SRBD1: variants seen among roughly 807,000 people sequenced by gnomAD.
The protein encoded by SRBD1 is S1 RNA-binding domain-containing protein 1.
Under a neutral mutation model 115.3 loss-of-function variants are expected in SRBD1, and 88 were observed. The ratio of observed to expected loss-of-function variants is 0.76; its 90% CI spans 0.64 to 0.91. The LOEUF (loss-of-function observed/expected upper bound fraction) is 0.91. Among genes scored for constraint, SRBD1 ranks in the 40% least tolerant of loss-of-function variants. The pLI is 0.00. For missense variants in SRBD1, 1,385 were observed against 1,177.4 expected (o/e 1.18, Z -2.58); for synonymous variants, 509 against 407.7 (o/e 1.25, Z -2.99).
Position 45,484,703 on chromosome 2 carries a change from A to G in SRBD1, c.1966+3537T>C, listed in dbSNP as rs185796756. On this transcript the variant is annotated intron_variant, in intron 15 of 20. Coordinates refer to ENST00000263736, the MANE Select transcript of SRBD1 (RefSeq NM_018079.5). ...TATCAAGTTCCAAAACATTTTCATTATGCCAAAAGAAAAACCTGTACCCAT... is the reference window on the plus strand; with the variant it reads ...TATCAAGTTCCAAAACATTTTCATTGTGCCAAAAGAAAAACCTGTACCCAT... Among the ~76,000 whole-genome samples, 98 of 152,312 alleles carry G rather than the reference A, an allele frequency of 6.4e-4. No homozygotes were observed. The Middle Eastern group carries it at 0.017, about 26-fold the overall frequency.
chr2:45,432,109 A>C (rs1433721952), intron 16 of SRBD1, among the ~76,000 whole-genome samples: 1 of 151,830 alleles, frequency 6.6e-6, no homozygotes, highest in Non-Finnish European at 1.5e-5. Context: ...GGCTCACAAC[A>C]ACCTCCGCCT....
intron 10 of SRBD1, 94 bp downstream of exon 10, chr2:45,562,558 CG>C: frequency 1.0e-6 from 1 of 974,854 alleles, no homozygotes; most frequent in East Asian, 3.0e-5. Flanking sequence ...AAAATGTTCA[CG>C]TAATAGACAT....
chr2:45,535,319 A>G (rs954247475), intron 14 of SRBD1, among the ~76,000 whole-genome samples: 5 of 152,012 alleles, frequency 3.3e-5, no homozygotes, highest in African/African-American at 9.7e-5. Context: ...TAATTTTCCT[A>G]ACAGAAAATG....
intron 4 of SRBD1, among the ~76,000 whole-genome samples, chr2:45,589,531 C>A (rs552266171): frequency 6.6e-6 from 1 of 152,270 alleles, no homozygotes; most frequent in South Asian, 2.1e-4. Flanking sequence ...TTAGAGCAAT[C>A]CATGGGCTCC....
chr2:45,496,288 T>C (rs774964966), intron 14 of SRBD1, among the ~76,000 whole-genome samples: 6 of 152,152 alleles, frequency 3.9e-5, no homozygotes, highest in Non-Finnish European at 7.4e-5. Context: ...ATATTGCAAA[T>C]TATTCTACTC....
intron 16 of SRBD1, among the ~76,000 whole-genome samples, chr2:45,446,914 A>C (rs1256436709): frequency 6.6e-6 from 1 of 152,170 alleles, no homozygotes; most frequent in Admixed American, 6.5e-5. Flanking sequence ...TTCAAGCAGG[A>C]GGGCAAAATA....
At chr2:45,399,457 T>G (rs1249011152) in intron 19 of SRBD1, among the ~76,000 whole-genome samples, 1 of 152,140 alleles carries the variant, frequency 6.6e-6, no homozygotes, top group African/African-American at 2.4e-5. Context: ...GTACAGATTA[T>G]TTCATTTAAT....
chr2:45,525,627 C>T (rs1054575240), intron 14 of SRBD1, among the ~76,000 whole-genome samples: 8 of 151,872 alleles, frequency 5.3e-5, no homozygotes, highest in East Asian at 1.9e-4. Flanking sequence ...TGCAGATAGA[C>T]GTTAATTAGC....
At chr2:45,519,700 G>C (rs1671223537) in intron 14 of SRBD1, among the ~76,000 whole-genome samples, 1 of 151,952 alleles carries the variant, frequency 6.6e-6, no homozygotes, top group African/African-American at 2.4e-5. Flanking sequence ...AAAAATTTTT[G>C]TTTATTTTTC....
At chr2:45,586,076 C>T (rs1673512787) in intron 4 of SRBD1, among the ~76,000 whole-genome samples, 1 of 152,004 alleles carries the variant, frequency 6.6e-6, no homozygotes, top group Non-Finnish European at 1.5e-5. Flanking sequence ...ATATTGGTAG[C>T]AAAGCAAGGA....
chr2:45,508,931 A>AG (rs1670877150), intron 14 of SRBD1, among the ~76,000 whole-genome samples: 1 of 152,198 alleles, frequency 6.6e-6, no homozygotes, highest in Non-Finnish European at 1.5e-5. Context: ...GAAAAAAGGA[A>AG]GAGAAAGAAA....
intron 13 of SRBD1, among the ~76,000 whole-genome samples, chr2:45,547,046 G>A (rs1054266879): frequency 2.0e-5 from 3 of 152,166 alleles, no homozygotes; most frequent in African/African-American, 7.2e-5. Context: ...AGGCAGCAGA[G>A]AAGTATTTTA....
chr2:45,524,796 C>G (rs1434961210), intron 14 of SRBD1, among the ~76,000 whole-genome samples: 2 of 151,902 alleles, frequency 1.3e-5, no homozygotes, highest in Non-Finnish European at 2.9e-5. Context: ...CAAGCTGATT[C>G]TAAAATTCAA....
intron 14 of SRBD1, among the ~76,000 whole-genome samples, chr2:45,513,174 G>A (rs1255092314): frequency 1.3e-5 from 2 of 152,104 alleles, no homozygotes. Flanking sequence ...CATGGCTCCA[G>A]CAAGAACATA....
At chr2:45,496,703 C>T (rs1670470643) in intron 14 of SRBD1, among the ~76,000 whole-genome samples, 1 of 152,146 alleles carries the variant, frequency 6.6e-6, no homozygotes, top group South Asian at 2.1e-4. Context: ...TCTCTCCCTT[C>T]TCTTACATTT....
At chr2:45,546,885 T>C (rs1308739111) in intron 13 of SRBD1, 46 bp from the exon 14 acceptor site, 2 of 1,561,824 alleles carry the variant, frequency 1.3e-6, no homozygotes, top group Non-Finnish European at 1.8e-6. Flanking sequence ...AAGGCATGCT[T>C]TGAAATCAGC....
At chr2:45,408,488 G>C (rs1667501484) in intron 19 of SRBD1, among the ~76,000 whole-genome samples, 1 of 152,160 alleles carries the variant, frequency 6.6e-6, no homozygotes, top group Non-Finnish European at 1.5e-5. Flanking sequence ...GACAAGCTTA[G>C]TCCCAAAGGA....
chr2:45,396,091 G>C (rs1667139085), intron 19 of SRBD1, among the ~76,000 whole-genome samples: 1 of 151,826 alleles, frequency 6.6e-6, no homozygotes, highest in Non-Finnish European at 1.5e-5. Flanking sequence ...GTTTAATCAT[G>C]ACAATGATCC....
At chr2:45,554,607 A>T (rs1326808553) in intron 10 of SRBD1, among the ~76,000 whole-genome samples, 5 of 152,254 alleles carry the variant, frequency 3.3e-5, no homozygotes, top group Admixed American at 3.3e-4. Context: ...GTTAATGAAC[A>T]CTGGGGAAAG....
Sources: allele counts gnomAD v4.1 joint callset (sites outside exome capture counted in the v4.1 genomes callset), GRCh38; gene constraint gnomAD v4.1.1; transcripts MANE v1.5; gene names NCBI Gene and HGNC (gene_info 2026-07-23, HGNC 2026-07-21).